ST8SIA5: variants seen among roughly 807,000 people sequenced by gnomAD.
The protein encoded by ST8SIA5 is alpha-2,8-sialyltransferase 8E.
In ST8SIA5, 24 loss-of-function variants were observed where a neutral mutation model predicts 40.2. The ratio of observed to expected loss-of-function variants is 0.60; its 90% CI spans 0.43 to 0.84. The LOEUF (loss-of-function observed/expected upper bound fraction) is 0.84, where lower values mean the gene tolerates loss of function less well. Ranked by LOEUF, ST8SIA5 falls within the 40% of genes least tolerant of loss-of-function variation. The pLI is 0.00. For missense variants in ST8SIA5, 465 were observed against 498.5 expected (o/e 0.93, Z 0.64); for synonymous variants, 198 against 201.8 (o/e 0.98, Z 0.16).
chr18:46,701,658 C>T (rs2039617970), intron 2 of ST8SIA5, among the ~76,000 whole-genome samples: 1 of 152,078 alleles, frequency 6.6e-6, no homozygotes, highest in Admixed American at 6.6e-5. Flanking sequence ...CCCCTGGCCT[C>T]CAGAATTGTG....
At chr18:46,705,204 C>T (rs187976241) in intron 1 of ST8SIA5, among the ~76,000 whole-genome samples, 3 of 152,306 alleles carry the variant, frequency 2.0e-5, no homozygotes, top group East Asian at 3.9e-4. Context: ...TCAGACAGGG[C>T]TCCAGGTCAT....
Position 46,756,672 on chromosome 18 carries a change from G to T in ST8SIA5, c.-164C>A, listed in dbSNP as rs2040252353. 2.5e-6 allele frequency: 2 copies of T among 796,094 alleles called. No homozygotes were observed. The highest frequency in any genetic ancestry group is 3.8e-6 in the Non-Finnish European group (2 of 528,436). 49.3% of individuals were successfully genotyped at this position (796,094 alleles called of 1,614,324 possible). On this transcript the variant is annotated 5_prime_UTR_variant, in exon 1 of 7. Transcript: ENST00000315087. ...GTTTCTGGTTGGCGCGGCCGGAGCT[G>T]GGGGCATCCAAGCGTCGCAGGCGCT...
At chr18:46,725,970 AAAATATATATATATATATATATAT>A (rs2039916347) in intron 1 of ST8SIA5, among the ~76,000 whole-genome samples, 1 of 31,810 alleles carries the variant, frequency 3.1e-5, no homozygotes, top group Admixed American at 4.3e-4. Context: ...AAAAAAAAAA[AAAATATATATATATATATATATAT>A]ATATATATAT....
At chr18:46,745,934 T>A (rs1014281979) in intron 1 of ST8SIA5, among the ~76,000 whole-genome samples, 2 of 152,124 alleles carry the variant, frequency 1.3e-5, no homozygotes, top group African/African-American at 4.8e-5. Context: ...ATAAACGTAA[T>A]CCATCACATA....
In ST8SIA5 at chr18:46,729,985, A is replaced by G. The variant is rs150017396; in HGVS notation, c.132-25321T>C. On this transcript the variant is annotated intron_variant, in intron 1 of 6. Coordinates refer to ENST00000315087, the MANE Select transcript of ST8SIA5 (RefSeq NM_013305.6). Reference sequence around the variant, plus strand: ...CTAATCCCAGAAATTGTTAGTTCTCAGTGAGGGGCAAATAGCTCCAATGCT... The same window carrying G: ...CTAATCCCAGAAATTGTTAGTTCTCGGTGAGGGGCAAATAGCTCCAATGCT... Among the ~76,000 whole-genome samples, 383 of 152,272 alleles carry G rather than the reference A, an allele frequency of 2.5e-3. 1 individual carries two copies. Among genetic ancestry groups the G allele is most frequent in the African/African-American group, 8.9e-3 (368 of 41,536 alleles).
chr18:46,735,915 G>A (rs569422362), intron 1 of ST8SIA5, among the ~76,000 whole-genome samples: 26 of 152,236 alleles, frequency 1.7e-4, no homozygotes, highest in African/African-American at 5.8e-4. Flanking sequence ...GTCTGGACAT[G>A]ATATTGTACT....
At chr18:46,692,990 C>T (rs2039522491) in intron 2 of ST8SIA5, among the ~76,000 whole-genome samples, 2 of 151,770 alleles carry the variant, frequency 1.3e-5, no homozygotes, top group Non-Finnish European at 2.9e-5. Context: ...GCCGACCCTG[C>T]CTTATCCATT....
intron 1 of ST8SIA5, among the ~76,000 whole-genome samples, chr18:46,706,022 TTTATTA>T (rs1568260989): frequency 6.6e-6 from 1 of 152,122 alleles, no homozygotes; most frequent in Non-Finnish European, 1.5e-5. Context: ...TATTGGTATT[TTTATTA>T]TTATTATCAT....
intron 4 of ST8SIA5, 41 bp from the exon 5 acceptor site, chr18:46,686,327 C>T: frequency 6.4e-7 from 1 of 1,569,316 alleles, no homozygotes; most frequent in Non-Finnish European, 8.8e-7. Context: ...CCAAGCCACC[C>T]CCTGCCTCGA....
In ST8SIA5 at chr18:46,742,091, G is replaced by A. The variant is rs1259550188; in HGVS notation, c.131+14287C>T. ...CATCCAGCCTGGGTGCCAGAGCGAC[G>A]CTCCATGTAAAAAATAAATAAATAA... On this transcript the variant is annotated intron_variant, in intron 1 of 6. Transcript: ENST00000315087. Among the ~76,000 whole-genome samples the A allele has an allele frequency of 4.7e-5, 7 of 150,362 alleles. No homozygotes were observed. The South Asian group carries it at 1.0e-3, about 23-fold the overall frequency.
intron 1 of ST8SIA5, chr18:46,730,155 A>G (rs1213754536): frequency 1.0e-6 from 1 of 985,278 alleles, no homozygotes; most frequent in East Asian, 1.1e-4. Flanking sequence ...CCAGCCCCAG[A>G]AGTGGCCACT....
In ST8SIA5 at chr18:46,688,761, G is replaced by T. The variant is rs377578279; in HGVS notation, c.456+14C>A. 2 of 1,603,502 alleles carry T rather than the reference G, an allele frequency of 1.2e-6. No individual in the cohort carries two copies. Among genetic ancestry groups the T allele is most frequent in the Non-Finnish European group, 8.5e-7 (1 of 1,174,542 alleles). ...CCCTCGCCCCACCCAGACCGCCCCC[G>T]CCCAAAGCAGCACCTTGGGAAACAT... On this transcript the variant is annotated intron_variant, in intron 4 of 6. Coordinates refer to ENST00000315087, the MANE Select transcript of ST8SIA5 (RefSeq NM_013305.6).
At position 46,756,416 on chromosome 18, in the gene ST8SIA5, C is replaced by G; in HGVS notation, c.93G>C (p.Leu31Phe). The G allele has an allele frequency of 6.2e-7, 1 of 1,613,184 alleles. No individual in the cohort carries two copies. The highest frequency in any genetic ancestry group is 8.5e-7 in the Non-Finnish European group (1 of 1,179,336). ...IFICAFALVT[L>F]LQQILYGRNY... ...TCCTGCCATACAGGATCTGTTGCAG[C>G]AAGGTCACCAAGGCAAAGGCGCAGA... Residue 31 changes from leucine to phenylalanine, a missense_variant, in exon 1 of 7, where the codon TTG becomes TTC. Physicochemically the swap from Leu to Phe is conservative, Grantham distance 22. Transcript: ENST00000315087.
intron 2 of ST8SIA5, among the ~76,000 whole-genome samples, chr18:46,700,481 C>T (rs1599113069): frequency 6.6e-6 from 1 of 152,300 alleles, no homozygotes; most frequent in East Asian, 1.9e-4. Context: ...AAGATAGTGT[C>T]AGAACCACTC....
At chr18:46,754,775 A>G (rs1471933314) in intron 1 of ST8SIA5, among the ~76,000 whole-genome samples, 1 of 152,200 alleles carries the variant, frequency 6.6e-6, no homozygotes, top group East Asian at 1.9e-4. Context: ...CCTGTTGACA[A>G]GGCAGAAGGA....
At chr18:46,746,332 C>T (rs1254917716) in intron 1 of ST8SIA5, among the ~76,000 whole-genome samples, 2 of 152,134 alleles carry the variant, frequency 1.3e-5, no homozygotes, top group African/African-American at 4.8e-5. Context: ...TATCTCAGCC[C>T]AAAATCTCCT....
At chr18:46,734,721 C>G (rs2040017897) in intron 1 of ST8SIA5, among the ~76,000 whole-genome samples, 1 of 152,176 alleles carries the variant, frequency 6.6e-6, no homozygotes, top group African/African-American at 2.4e-5. Flanking sequence ...GTCTCTCTGC[C>G]TTCTGACTCC....
intron 1 of ST8SIA5, among the ~76,000 whole-genome samples, chr18:46,720,648 T>C (rs2039852859): frequency 6.6e-6 from 1 of 151,918 alleles, no homozygotes; most frequent in Admixed American, 6.6e-5. Context: ...ATACAAAAAT[T>C]AAGAAACCAA....
At chr18:46,707,403 T>C (rs1336420898) in intron 1 of ST8SIA5, among the ~76,000 whole-genome samples, 1 of 152,188 alleles carries the variant, frequency 6.6e-6, no homozygotes, top group Non-Finnish European at 1.5e-5. Context: ...TTTAAAACAA[T>C]CTGTTTGAAC....
Sources: allele counts gnomAD v4.1 joint callset (sites outside exome capture counted in the v4.1 genomes callset), GRCh38; gene constraint gnomAD v4.1.1; transcripts MANE v1.5; gene names NCBI Gene and HGNC (gene_info 2026-07-23, HGNC 2026-07-21).